TTC6: variants seen among roughly 807,000 people sequenced by gnomAD.
TTC6 encodes the protein tetratricopeptide repeat protein 6.
TTC6 carries 172 observed loss-of-function variants against 210.4 expected under a neutral mutation model. The observed-to-expected ratio is 0.82, with a 90% CI of 0.72 to 0.93. TTC6 has a LOEUF of 0.93. Among genes scored for constraint, TTC6 ranks in the 40% least tolerant of loss-of-function variants. TTC6 has a pLI of 0.00. For synonymous variants in TTC6, 804 were observed against 819.6 expected (o/e 0.98, Z 0.32); for missense variants, 2,414 against 2,318.1 (o/e 1.04, Z -0.85).
intron 1 of TTC6, among the ~76,000 whole-genome samples, chr14:37,597,852 G>A (rs920349906): frequency 2.0e-5 from 3 of 152,140 alleles, no homozygotes; most frequent in South Asian, 2.1e-4. Context: ...TTAGAGCCGA[G>A]GCCAAGATGG....
In TTC6 at chr14:37,799,857, C is replaced by G. The variant is rs2096102013; in HGVS notation, c.4029+2910C>G. On this transcript the variant is annotated intron_variant, in intron 20 of 30. Transcript: ENST00000553443. ...GAATGTAGCACAGTTGACACCTTGA[C>G]TGAAGCCTGGGAAACCCTAAGCAGA... 2.0e-5 allele frequency among the ~76,000 whole-genome samples: 3 copies of G among 152,142 alleles called. No individual in the cohort carries two copies. The South Asian group carries it at 6.2e-4, about 31-fold the overall frequency.
chr14:37,635,650 C>T (rs1007406960), intron 1 of TTC6, among the ~76,000 whole-genome samples: 41 of 152,154 alleles, frequency 2.7e-4, no homozygotes, highest in African/African-American at 8.7e-4. Flanking sequence ...GTGGCTATAT[C>T]AATACCAGAT....
At chr14:37,809,626 CAT>C (rs2096125737) in intron 24 of TTC6, among the ~76,000 whole-genome samples, 1 of 152,156 alleles carries the variant, frequency 6.6e-6, no homozygotes, top group South Asian at 2.1e-4. Flanking sequence ...TCAGACCACA[CAT>C]GTAGCAGGGA....
chr14:37,832,327 CTCTT>C (rs1269560797), intron 29 of TTC6, among the ~76,000 whole-genome samples: 43 of 63,190 alleles, frequency 6.8e-4, no homozygotes, highest in Admixed American at 1.1e-3. Context: ...TTTTCTTTCT[CTCTT>C]TTTTTTTTTT....
At chr14:37,792,776 TTGTGTG>T (rs34766491) in intron 17 of TTC6, among the ~76,000 whole-genome samples, 20,913 of 139,984 alleles carry the variant, frequency 0.15, 1,586 homozygotes, top group East Asian at 0.35. Flanking sequence ...TGGTCCAATG[TTGTGTG>T]TGTGTGTGTG....
chr14:37,649,283 ATCTT>A (rs1380809450), intron 1 of TTC6, among the ~76,000 whole-genome samples: 8 of 152,032 alleles, frequency 5.3e-5, no homozygotes, highest in Non-Finnish European at 1.0e-4. Context: ...CTTCTCTGGG[ATCTT>A]ACTGCTTCCT....
intron 1 of TTC6, among the ~76,000 whole-genome samples, chr14:37,663,480 C>T (rs896478779): frequency 5.3e-5 from 8 of 152,074 alleles, no homozygotes; most frequent in African/African-American, 1.9e-4. Context: ...TTGTATTGCA[C>T]AGTTACATTT....
intron 1 of TTC6, among the ~76,000 whole-genome samples, chr14:37,651,322 T>A (rs1349273233): frequency 8.2e-5 from 12 of 145,500 alleles, no homozygotes; most frequent in African/African-American, 3.0e-4. Flanking sequence ...AATATTTAAA[T>A]AACCATAGTC....
chr14:37,777,731 A>C (rs1354694718), intron 14 of TTC6, among the ~76,000 whole-genome samples: 1 of 149,082 alleles, frequency 6.7e-6, no homozygotes, highest in Non-Finnish European at 1.5e-5. Context: ...TTTTGGGCTG[A>C]AGTTCCTTCA....
chr14:37,841,941 C>A (rs887188888), intron 30 of TTC6, among the ~76,000 whole-genome samples: 2 of 152,000 alleles, frequency 1.3e-5, no homozygotes, highest in Non-Finnish European at 2.9e-5. Flanking sequence ...ACTGTGTTTC[C>A]CCAAGTTAGT....
At chr14:37,817,711 A>G (rs2096145549) in intron 26 of TTC6, 60 bp downstream of exon 28, 4 of 1,495,816 alleles carry the variant, frequency 2.7e-6, no homozygotes, top group Non-Finnish European at 3.7e-6. Flanking sequence ...TTATCTAATT[A>G]TCACCCCATA....
chr14:37,761,034 C>T (rs1010641677), intron 14 of TTC6, among the ~76,000 whole-genome samples: 1 of 152,132 alleles, frequency 6.6e-6, no homozygotes, highest in African/African-American at 2.4e-5. Flanking sequence ...GGTTCTGTCT[C>T]ACTGGAGTTC....
chr14:37,754,624 G>T (rs1400216945), intron 14 of TTC6, among the ~76,000 whole-genome samples: 1 of 151,836 alleles, frequency 6.6e-6, no homozygotes, highest in Non-Finnish European at 1.5e-5. Context: ...GTAGAGACAG[G>T]GTTTTACCAT....
At chr14:37,717,883 C>T (rs2095855269) in intron 6 of TTC6, among the ~76,000 whole-genome samples, 1 of 152,140 alleles carries the variant, frequency 6.6e-6, no homozygotes, top group African/African-American at 2.4e-5. Flanking sequence ...GAGGTGGGAC[C>T]TTTAAGAGGT....
intron 3 of TTC6, among the ~76,000 whole-genome samples, chr14:37,685,586 G>A (rs571090645): frequency 2.6e-5 from 4 of 152,284 alleles, no homozygotes; most frequent in South Asian, 2.1e-4. Flanking sequence ...GTATAACAAA[G>A]AGAAAAGGAA....
intron 14 of TTC6, among the ~76,000 whole-genome samples, chr14:37,775,312 T>G (rs2096033773): frequency 6.6e-6 from 1 of 152,190 alleles, no homozygotes; most frequent in African/African-American, 2.4e-5. Context: ...CCTCTAGTAG[T>G]GATGGTAGGT....
Position 37,739,194 on chromosome 14 carries a change from A to G in TTC6, c.2363+39A>G, listed in dbSNP as rs1458427434. On this transcript the variant is annotated intron_variant, in intron 10 of 30. Coordinates refer to ENST00000553443, the Ensembl canonical transcript of TTC6. ...GATTTTCTTATAGTTTAAGAAATAT[A>G]TTGTGGTTTTGACCTTAATTTTATA... is the stretch of plus-strand genomic sequence containing the variant. 10 of 1,450,168 alleles carry G rather than the reference A, an allele frequency of 6.9e-6. No individual in the cohort carries two copies. In the Admixed American group the frequency reaches 2.8e-4, roughly 40 times the overall value. The allele number at this position is 1,450,168 out of a possible 1,614,324, so 89.8% of individuals were successfully genotyped here.
chr14:37,632,643 G>A (rs910791124), intron 1 of TTC6, among the ~76,000 whole-genome samples: 1 of 152,226 alleles, frequency 6.6e-6, no homozygotes, highest in African/African-American at 2.4e-5. Flanking sequence ...GAGCTCTTGT[G>A]CTGTACTGGG....
At chr14:37,745,047 T>C (rs2095931841) in intron 10 of TTC6, among the ~76,000 whole-genome samples, 1 of 152,012 alleles carries the variant, frequency 6.6e-6, no homozygotes, top group Non-Finnish European at 1.5e-5. Flanking sequence ...CGTACACATA[T>C]ATATGTACGT....
Sources: allele counts gnomAD v4.1 joint callset (sites outside exome capture counted in the v4.1 genomes callset), GRCh38; gene constraint gnomAD v4.1.1; transcripts MANE v1.5; gene names NCBI Gene and HGNC (gene_info 2026-07-23, HGNC 2026-07-21).